VWC2: variants seen among roughly 807,000 people sequenced by gnomAD.
VWC2 encodes brorin.
In VWC2, 14 loss-of-function variants were observed where a neutral mutation model predicts 29.8. The ratio of observed to expected loss-of-function variants is 0.47; its 90% CI spans 0.31 to 0.74. The LOEUF (loss-of-function observed/expected upper bound fraction) is 0.74, where lower values mean the gene tolerates loss of function less well. Among genes scored for constraint, VWC2 ranks in the 30% least tolerant of loss-of-function variants. The pLI, the probability that VWC2 is intolerant of heterozygous loss-of-function variation, is 0.05. For synonymous variants in VWC2, 213 were observed against 199.0 expected (o/e 1.07, Z -0.59); for missense variants, 457 against 459.8 (o/e 0.99, Z 0.05).
At chr7:49,823,769 T>A (rs1160560964) in intron 3 of VWC2, among the ~76,000 whole-genome samples, 1 of 152,226 alleles carries the variant, frequency 6.6e-6, no homozygotes, top group Non-Finnish European at 1.5e-5. Flanking sequence ...ATTGCCTTGG[T>A]TGCCTTGGTA....
At chr7:49,876,726 T>C (rs1285512793) in intron 3 of VWC2, among the ~76,000 whole-genome samples, 1 of 152,194 alleles carries the variant, frequency 6.6e-6, no homozygotes, top group Non-Finnish European at 1.5e-5. Flanking sequence ...CCTGTATCTG[T>C]ATTCAATCAT....
intron 2 of VWC2, among the ~76,000 whole-genome samples, chr7:49,789,663 A>G (rs538088400): frequency 6.6e-6 from 1 of 152,336 alleles, no homozygotes; most frequent in Non-Finnish European, 1.5e-5. Context: ...TCTTTAAAAC[A>G]AAAGGGTTTT....
At chr7:49,864,002 A>T (rs1790779084) in intron 3 of VWC2, among the ~76,000 whole-genome samples, 1 of 152,038 alleles carries the variant, frequency 6.6e-6, no homozygotes, top group Non-Finnish European at 1.5e-5. Context: ...GTTTTGCAAA[A>T]ATCATATATT....
At chr7:49,838,660 G>A (rs1319627264) in intron 3 of VWC2, among the ~76,000 whole-genome samples, 1 of 152,050 alleles carries the variant, frequency 6.6e-6, no homozygotes, top group East Asian at 1.9e-4. Flanking sequence ...TGTTTTGAGG[G>A]AAGGATTAAC....
At chr7:49,839,795 C>T (rs1317256820) in intron 3 of VWC2, among the ~76,000 whole-genome samples, 1 of 152,174 alleles carries the variant, frequency 6.6e-6, no homozygotes, top group Admixed American at 6.5e-5. Flanking sequence ...TTGACATGAA[C>T]TCAAGTTAGG....
In VWC2 at chr7:49,773,999, C is replaced by A. The variant is rs1787994103; in HGVS notation, c.-218C>A. On this transcript the variant is annotated 5_prime_UTR_variant, in exon 1 of 4. Coordinates refer to ENST00000340652, the MANE Select transcript of VWC2 (RefSeq NM_198570.5). ...TGGGGCTGGGCTGTTAGTGGTCCGC[C>A]CCACGCGGGTCGCCGGCCGGCCCAG... 1 of 151,846 alleles carries A rather than the reference C, an allele frequency of 6.6e-6. No individual in the cohort carries two copies. Among genetic ancestry groups the A allele is most frequent in the Non-Finnish European group, 1.5e-5 (1 of 67,952 alleles). The allele number at this position is 151,846 out of a possible 1,614,324, so 9.4% of individuals were successfully genotyped here.
intron 3 of VWC2, among the ~76,000 whole-genome samples, chr7:49,826,136 G>T (rs1214175913): frequency 2.0e-5 from 3 of 152,158 alleles, no homozygotes; most frequent in Admixed American, 1.3e-4. Context: ...AACTCTGCTA[G>T]GTTTTCTGCC....
intron 3 of VWC2, among the ~76,000 whole-genome samples, chr7:49,847,539 C>T (rs1789990261): frequency 6.6e-6 from 1 of 152,078 alleles, no homozygotes; most frequent in African/African-American, 2.4e-5. Flanking sequence ...GTCAACAGAT[C>T]ATGAGATGAT....
chr7:49,827,645 C>T (rs1355028), intron 3 of VWC2, among the ~76,000 whole-genome samples: 135,121 of 152,118 alleles, frequency 0.89, 60,349 homozygotes, highest in East Asian at 0.94. Context: ...TACAGTTATA[C>T]TGTATTAATA....
At chr7:49,885,013 G>T (rs1416838599) in intron 3 of VWC2, among the ~76,000 whole-genome samples, 1 of 152,060 alleles carries the variant, frequency 6.6e-6, no homozygotes, top group Non-Finnish European at 1.5e-5. Context: ...TATAAGTGTT[G>T]TATGGCTAAA....
intron 3 of VWC2, among the ~76,000 whole-genome samples, chr7:49,905,549 A>G (rs575580356): frequency 8.5e-5 from 13 of 152,338 alleles, no homozygotes; most frequent in Admixed American, 8.5e-4. Flanking sequence ...TTTAAAAAAG[A>G]GTTTTATTTA....
rs902836774 is a variant in VWC2 at position 49,921,692 on chromosome 7, A to C, written c.*9507A>C. On this transcript the variant is annotated 3_prime_UTR_variant, in exon 4 of 4. Transcript: ENST00000340652. The stretch of plus-strand genomic sequence containing the variant: ...TAATACATTGGAATATGAGACTTGA[A>C]CATTTTGAAGATTCTAATAAATGAA... 1 of 152,254 alleles carries C rather than the reference A, an allele frequency of 6.6e-6. No homozygotes were observed. Among genetic ancestry groups the C allele is most frequent in the African/African-American group, 2.4e-5 (1 of 41,466 alleles). 9.4% of individuals were successfully genotyped at this position (152,254 alleles called of 1,614,324 possible).
chr7:49,919,982 T>A lies in VWC2; in HGVS notation c.*7797T>A, dbSNP rs914520056. On this transcript the variant is annotated 3_prime_UTR_variant, in exon 4 of 4. Coordinates refer to ENST00000340652, the MANE Select transcript of VWC2 (RefSeq NM_198570.5). ...ATAACACTGAAGTGAGATTCAAAAT[T>A]GTGCCTTCTATTGAAGCCAAGAAAG... is the stretch of plus-strand genomic sequence containing the variant. 3.3e-5 allele frequency: 5 copies of A among 152,232 alleles called. No homozygotes were observed. Among genetic ancestry groups the A allele is most frequent in the Non-Finnish European group, 7.3e-5 (5 of 68,038 alleles). 9.4% of individuals were successfully genotyped at this position (152,232 alleles called of 1,614,324 possible). A position where few individuals can be genotyped will look rare whatever the true frequency, so the allele number is the denominator to read the frequency against.
intron 3 of VWC2, among the ~76,000 whole-genome samples, chr7:49,855,369 T>G (rs1256046375): frequency 1.3e-5 from 2 of 152,076 alleles, no homozygotes; most frequent in African/African-American, 4.8e-5. Context: ...TTGCCTGGCA[T>G]TAGGTGGTAT....
chr7:49,775,406 G>GGCCCC lies in VWC2; in HGVS notation c.-30_-29insGCCCC. ...GACTCGCCCCTCGGCCGCGCTCCCC[G>GGCCCC]CCCGCCCGCCCGCCGGGACGTGGTA... On this transcript the variant is annotated 5_prime_UTR_variant, in exon 2 of 4. The change abolishes the stop of an existing upstream ORF in the 5' untranslated region. Coordinates refer to ENST00000340652, the MANE Select transcript of VWC2 (RefSeq NM_198570.5). 2.6e-6 allele frequency: 2 copies of GGCCCC among 783,854 alleles called. No homozygotes were observed. The highest frequency in any genetic ancestry group is 3.8e-5 in the South Asian group (1 of 26,432). The allele number at this position is 783,854 out of a possible 1,614,324, so 48.6% of individuals were successfully genotyped here.
intron 3 of VWC2, among the ~76,000 whole-genome samples, chr7:49,893,152 T>C (rs1478220115): frequency 1.3e-5 from 2 of 152,228 alleles, no homozygotes; most frequent in Non-Finnish European, 2.9e-5. Flanking sequence ...AAAATGGAGA[T>C]ATATTTTATA....
chr7:49,878,627 G>T (rs1171716053), intron 3 of VWC2, among the ~76,000 whole-genome samples: 3 of 151,970 alleles, frequency 2.0e-5, no homozygotes, highest in African/African-American at 7.3e-5. Flanking sequence ...ATTCCAAGTT[G>T]TATATTATTA....
At chr7:49,864,875 G>A (rs938190022) in intron 3 of VWC2, among the ~76,000 whole-genome samples, 5 of 152,158 alleles carry the variant, frequency 3.3e-5, no homozygotes, top group African/African-American at 7.2e-5. Flanking sequence ...TGCCTTGTTC[G>A]TGATTCAGTG....
intron 2 of VWC2, among the ~76,000 whole-genome samples, chr7:49,787,795 C>G (rs1201674338): frequency 1.3e-5 from 2 of 152,152 alleles, no homozygotes; most frequent in African/African-American, 4.8e-5. Context: ...ATGTCAGCCT[C>G]CCAGCTCAGG....
Sources: gnomAD v4.1 joint callset for allele counts (sites outside exome capture counted in the v4.1 genomes callset) on GRCh38, gnomAD v4.1.1 for gene constraint, MANE v1.5 for transcripts, NCBI Gene and HGNC (gene_info 2026-07-23, HGNC 2026-07-21) for gene names.